RGS6: variants seen among roughly 807,000 people sequenced by gnomAD.
The protein encoded by RGS6 is regulator of G-protein signaling 6.
In RGS6, 30 loss-of-function variants were observed where a neutral mutation model predicts 78.5. The ratio of observed to expected loss-of-function variants is 0.38; its 90% CI spans 0.29 to 0.52. The LOEUF (loss-of-function observed/expected upper bound fraction) is 0.52, where lower values mean the gene tolerates loss of function less well. RGS6 is among the 20% of genes least tolerant of loss of function. The probability of loss-of-function intolerance (pLI) is 0.85; values close to 1 mark genes in which losing one functional copy is unlikely to be tolerated. For missense variants in RGS6, 495 were observed against 609.7 expected (o/e 0.81, Z 1.98); for synonymous variants, 206 against 206.0 (o/e 1.00, Z 0.00).
rs117497532 is a variant in RGS6 at position 72,043,862 on chromosome 14, G to A, written c.84+78987G>A. Among the ~76,000 whole-genome samples the A allele has an allele frequency of 5.7e-3, 866 of 151,976 alleles. 8 individuals are homozygous for A. Among genetic ancestry groups the A allele is most frequent in the East Asian group, 0.034 (176 of 5,156 alleles). On this transcript the variant is annotated intron_variant, in intron 2 of 17. Coordinates refer to ENST00000553525, the MANE Select transcript of RGS6 (RefSeq NM_001204424.2). The stretch of plus-strand genomic sequence containing the variant: ...CCTTCTGTTCAGTTACACACATGTC[G>A]CACCTTTGCAATTATTCCACAGTTC...
intron 3 of RGS6, among the ~76,000 whole-genome samples, chr14:72,354,910 A>G (rs1401783760): frequency 1.3e-5 from 2 of 152,076 alleles, no homozygotes; most frequent in African/African-American, 2.4e-5. Flanking sequence ...AATATACAGT[A>G]TAATATAGAC....
At chr14:72,533,848 G>A (rs1243193292) in intron 15 of RGS6, among the ~76,000 whole-genome samples, 1 of 152,248 alleles carries the variant, frequency 6.6e-6, no homozygotes, top group Non-Finnish European at 1.5e-5. Context: ...TCCTATGGAA[G>A]AGTAAAGAAA....
chr14:72,234,834 C>T (rs1362581451), intron 2 of RGS6, among the ~76,000 whole-genome samples: 1 of 152,108 alleles, frequency 6.6e-6, no homozygotes, highest in East Asian at 1.9e-4. Context: ...CTTTGCATCT[C>T]ACCACTTTAT....
At chr14:71,988,084 A>G (rs1053750173) in intron 2 of RGS6, among the ~76,000 whole-genome samples, 2 of 152,122 alleles carry the variant, frequency 1.3e-5, no homozygotes, top group Non-Finnish European at 2.9e-5. Flanking sequence ...CACACAAGTG[A>G]TAGTGTTGGT....
At chr14:72,289,566 A>G (rs1377335816) in intron 2 of RGS6, among the ~76,000 whole-genome samples, 1 of 152,158 alleles carries the variant, frequency 6.6e-6, no homozygotes, top group Non-Finnish European at 1.5e-5. Context: ...CTCAATGCCT[A>G]TTATCATAGA....
the RGS6 span, among the ~76,000 whole-genome samples, chr14:71,926,630 A>G: frequency 3.3e-5 from 5 of 151,464 alleles, no homozygotes; most frequent in African/African-American, 1.2e-4. Context: ...GTTGGAAAAT[A>G]CAGGACTTGT....
chr14:72,079,180 T>TC (rs1567162616), intron 2 of RGS6, among the ~76,000 whole-genome samples: 1 of 150,036 alleles, frequency 6.7e-6, no homozygotes, highest in African/African-American at 2.4e-5. Flanking sequence ...CTTTTTTTTT[T>TC]CCCCCTATTT....
intron 3 of RGS6, among the ~76,000 whole-genome samples, chr14:72,398,935 A>C (rs936163655): frequency 2.0e-5 from 3 of 151,844 alleles, no homozygotes; most frequent in African/African-American, 7.3e-5. Flanking sequence ...TATAATTTCT[A>C]TTCTTTTACA....
At chr14:71,883,181 C>G in the RGS6 span, among the ~76,000 whole-genome samples, 1 of 152,146 alleles carries the variant, frequency 6.6e-6, no homozygotes, top group African/African-American at 2.4e-5. Context: ...TTTGGTTTTT[C>G]TAAATGCTAT....
chr14:72,188,207 A>C (rs1356617485), intron 2 of RGS6, among the ~76,000 whole-genome samples: 1 of 152,212 alleles, frequency 6.6e-6, no homozygotes, highest in African/African-American at 2.4e-5. Flanking sequence ...TTAGTGAATC[A>C]ACAATATATA....
chr14:72,197,351 C>T (rs1262856828), intron 2 of RGS6, among the ~76,000 whole-genome samples: 1 of 152,220 alleles, frequency 6.6e-6, no homozygotes, highest in Admixed American at 6.5e-5. Flanking sequence ...CAGGCATGAG[C>T]CACTGCACCC....
At chr14:71,972,460 G>A (rs746894821) in intron 2 of RGS6, among the ~76,000 whole-genome samples, 19 of 151,948 alleles carry the variant, frequency 1.3e-4, no homozygotes, top group Non-Finnish European at 1.8e-4. Flanking sequence ...AGACCCTAAC[G>A]AATGCAAGTA....
At chr14:72,224,662 G>A (rs1186939664) in intron 2 of RGS6, among the ~76,000 whole-genome samples, 4 of 152,094 alleles carry the variant, frequency 2.6e-5, no homozygotes, top group Admixed American at 2.6e-4. Context: ...TTAGGACACT[G>A]TACACTTTGT....
In RGS6 at chr14:71,964,760, T is replaced by G. The variant is rs1327971475; in HGVS notation, c.-20-12T>G. On this transcript the variant is annotated splice_polypyrimidine_tract_variant and intron_variant, in intron 1 of 17. Transcript: ENST00000553525. ...CTTCGTGACTTAATGGTTTATTCAT[T>G]TATTTTTGCAGTGTGAGTGAAGACA... 4 of 1,562,308 alleles carry G rather than the reference T, an allele frequency of 2.6e-6. No homozygotes were observed. The highest frequency in any genetic ancestry group is 3.5e-6 in the Non-Finnish European group (4 of 1,141,758).
At chr14:72,629,509 G>GCTC in the RGS6 span, 1 of 973,670 alleles carries the variant, frequency 1.0e-6, no homozygotes, top group Non-Finnish European at 1.5e-6. Flanking sequence ...GCTCCCAAGT[G>GCTC]CCAGGGTAAC....
chr14:72,611,868 C>T, the RGS6 span, among the ~76,000 whole-genome samples: 1 of 152,106 alleles, frequency 6.6e-6, no homozygotes, highest in East Asian at 1.9e-4. Context: ...CACGCATCCT[C>T]AACAGAGAAA....
rs192683561 is a variant in RGS6, at chr14:72,192,732, G to T, written c.85-159363G>T. 2.6e-5 allele frequency among the ~76,000 whole-genome samples: 4 copies of T among 152,274 alleles called. No homozygotes were observed. The East Asian group carries it at 7.7e-4, about 29-fold the overall frequency. ...TAAAGGCAATAAAAGATATCTCCTG[G>T]TAGGATATAATTTTCTTTCTTTCGT... On this transcript the variant is annotated intron_variant, in intron 2 of 17. Transcript: ENST00000553525.
intron 2 of RGS6, among the ~76,000 whole-genome samples, chr14:71,965,798 G>A (rs2093474928): frequency 6.6e-6 from 1 of 152,148 alleles, no homozygotes; most frequent in African/African-American, 2.4e-5. Context: ...GGTAAGGAGG[G>A]AAAGGAGAGA....
chr14:71,981,515 G>A (rs12891702), intron 2 of RGS6, among the ~76,000 whole-genome samples: 2 of 141,174 alleles, frequency 1.4e-5, no homozygotes, highest in African/African-American at 5.2e-5. Context: ...TGGAATACCC[G>A]GCCGTGTGAG....
Sources: allele counts gnomAD v4.1 joint callset (sites outside exome capture counted in the v4.1 genomes callset), GRCh38; gene constraint gnomAD v4.1.1; transcripts MANE v1.5; gene names NCBI Gene and HGNC (gene_info 2026-07-23, HGNC 2026-07-21).